EPHB1: variants seen among roughly 807,000 people sequenced by gnomAD.
EPHB1 encodes EPH receptor B1.
Under a neutral mutation model 94.4 loss-of-function variants are expected in EPHB1, and 30 were observed. The observed-to-expected ratio is 0.32, with a 90% confidence interval of 0.24 to 0.43. The LOEUF (loss-of-function observed/expected upper bound fraction) is 0.43. Ranked by LOEUF, EPHB1 falls within the 20% of genes least tolerant of loss-of-function variation. EPHB1 has a pLI of 1.00. For synonymous variants in EPHB1, 522 were observed against 489.1 expected, an observed-to-expected ratio of 1.07 and a Z score of -0.89; for missense variants, 1,055 against 1,308.3, an observed-to-expected ratio of 0.81 and a Z score of 2.99.
At chr3:135,232,906 AACTC>A (rs1272842344) in intron 12 of EPHB1, among the ~76,000 whole-genome samples, 2 of 152,190 alleles carry the variant, frequency 1.3e-5, no homozygotes, top group Non-Finnish European at 2.9e-5. Flanking sequence ...ATCTTATGAG[AACTC>A]ACTCACTAGT....
chr3:135,232,774 G>A (rs949143701), intron 12 of EPHB1, among the ~76,000 whole-genome samples: 9 of 152,170 alleles, frequency 5.9e-5, no homozygotes, highest in Non-Finnish European at 1.0e-4. Flanking sequence ...GTTCAGCATG[G>A]CTGGGGAGGC....
intron 1 of EPHB1, among the ~76,000 whole-genome samples, chr3:134,845,947 G>T (rs890510482): frequency 3.3e-5 from 5 of 150,756 alleles, no homozygotes; most frequent in African/African-American, 1.2e-4. Context: ...GACACATGCT[G>T]GGAGGTGGAG....
chr3:134,962,064 A>C (rs980379155), intron 3 of EPHB1, among the ~76,000 whole-genome samples: 6 of 152,204 alleles, frequency 3.9e-5, no homozygotes, highest in African/African-American at 1.4e-4. Context: ...TGTCCTCCCC[A>C]AAAAGGCATT....
intron 1 of EPHB1, among the ~76,000 whole-genome samples, chr3:134,856,470 A>G (rs182019172): frequency 2.0e-5 from 3 of 152,328 alleles, no homozygotes; most frequent in Admixed American, 2.0e-4. Context: ...ATCTGCAAAG[A>G]GATTCTTTTT....
intron 4 of EPHB1, among the ~76,000 whole-genome samples, chr3:135,116,697 C>A (rs1187317651): frequency 6.6e-6 from 1 of 152,180 alleles, no homozygotes; most frequent in Non-Finnish European, 1.5e-5. Context: ...ACTGGTGGGC[C>A]CCTGTCTGTA....
intron 3 of EPHB1, among the ~76,000 whole-genome samples, chr3:135,048,953 C>T (rs1282250408): frequency 6.6e-6 from 1 of 152,212 alleles, no homozygotes; most frequent in Non-Finnish European, 1.5e-5. Flanking sequence ...GCTGGGAGTT[C>T]TAGCCCCTGT....
Position 135,251,052 on chromosome 3 carries a change from A to AT in EPHB1, c.2846+1573dup, listed in dbSNP as rs71245397. On this transcript the variant is annotated intron_variant, in intron 15 of 15. Transcript: ENST00000398015. The stretch of plus-strand genomic sequence containing the variant: ...GTCCAGCTCTACCTCTCTGAGGTCT[A>AT]TTTTTTTTTTTTCAGAAATGATGGA... Among the ~76,000 whole-genome samples, 834 of 142,484 alleles carry AT rather than the reference A, an allele frequency of 5.9e-3. 4 individuals are homozygous for AT. The highest frequency in any genetic ancestry group is 0.013 in the African/African-American group (497 of 38,906). 93.5% of individuals were successfully genotyped at this position (142,484 alleles called of 152,430 possible).
intron 3 of EPHB1, among the ~76,000 whole-genome samples, chr3:135,049,941 C>G (rs1937120559): frequency 6.6e-6 from 1 of 152,172 alleles, no homozygotes; most frequent in Non-Finnish European, 1.5e-5. Flanking sequence ...ATGTTGCTCT[C>G]CTTTATGCTT....
intron 3 of EPHB1, among the ~76,000 whole-genome samples, chr3:134,996,298 A>G (rs1160241836): frequency 2.6e-5 from 4 of 152,180 alleles, no homozygotes; most frequent in Admixed American, 1.3e-4. Flanking sequence ...GGCTTGGGCA[A>G]TCCTCCAACT....
intron 12 of EPHB1, among the ~76,000 whole-genome samples, chr3:135,218,786 C>CTAATT (rs1486214162): frequency 3.3e-5 from 5 of 152,344 alleles, no homozygotes; most frequent in African/African-American, 9.6e-5. Flanking sequence ...CATTAAACAA[C>CTAATT]TAATTATGCA....
intron 1 of EPHB1, among the ~76,000 whole-genome samples, chr3:134,814,616 A>G (rs2108287369): frequency 6.6e-6 from 1 of 152,308 alleles, no homozygotes; most frequent in East Asian, 1.9e-4. Flanking sequence ...CCTGGGCCAG[A>G]ATCATCCGAA....
intron 3 of EPHB1, among the ~76,000 whole-genome samples, chr3:135,075,280 A>T (rs141237499): frequency 2.7e-4 from 41 of 152,268 alleles, no homozygotes; most frequent in African/African-American, 8.9e-4. Flanking sequence ...GAATTCAGAC[A>T]TCTAGAGTGC....
At chr3:134,848,864 G>A (rs1001099326) in intron 1 of EPHB1, among the ~76,000 whole-genome samples, 1 of 152,238 alleles carries the variant, frequency 6.6e-6, no homozygotes, top group Admixed American at 6.5e-5. Context: ...GTGGCTTGAG[G>A]TTGTTTCTTC....
chr3:135,038,265 C>T (rs563814897), intron 3 of EPHB1, among the ~76,000 whole-genome samples: 167 of 152,328 alleles, frequency 1.1e-3, no homozygotes, highest in African/African-American at 3.9e-3. Flanking sequence ...CCCATTTCTC[C>T]TCCCTTTGAA....
chr3:135,101,404 C>T (rs1208627366), intron 3 of EPHB1, among the ~76,000 whole-genome samples: 1 of 151,714 alleles, frequency 6.6e-6, no homozygotes, highest in Non-Finnish European at 1.5e-5. Context: ...GACACAGTCT[C>T]ACTCTGTCAC....
chr3:134,842,480 G>T (rs2036795645), intron 1 of EPHB1, among the ~76,000 whole-genome samples: 1 of 152,198 alleles, frequency 6.6e-6, no homozygotes, highest in Admixed American at 6.5e-5. Context: ...AATGCCTGCA[G>T]TCAGAAGATC....
At chr3:134,887,498 A>G (rs1275283420) in intron 1 of EPHB1, among the ~76,000 whole-genome samples, 1 of 152,228 alleles carries the variant, frequency 6.6e-6, no homozygotes, top group South Asian at 2.1e-4. Flanking sequence ...TATTATAACC[A>G]TCTACCATGA....
chr3:135,118,792 A>G (rs1939818571), intron 4 of EPHB1, among the ~76,000 whole-genome samples: 1 of 152,206 alleles, frequency 6.6e-6, no homozygotes, highest in Admixed American at 6.5e-5. Flanking sequence ...AGCAACCCCT[A>G]CCGAGTATAC....
chr3:135,098,824 C>A (rs1938911509), intron 3 of EPHB1, among the ~76,000 whole-genome samples: 1 of 151,886 alleles, frequency 6.6e-6, no homozygotes, highest in Admixed American at 6.6e-5. Context: ...CAAGCCTGGC[C>A]AACACGGTAA....
Sources: allele counts gnomAD v4.1 joint callset (sites outside exome capture counted in the v4.1 genomes callset), GRCh38; gene constraint gnomAD v4.1.1; transcripts MANE v1.5; gene names NCBI Gene and HGNC (gene_info 2026-07-23, HGNC 2026-07-21).